CCDC178: variants seen among roughly 807,000 people sequenced by gnomAD.
CCDC178 encodes coiled-coil domain containing 178.
CCDC178 carries 126 observed loss-of-function variants against 117.4 expected under a neutral mutation model. That is an observed-to-expected ratio of 1.07 (90% CI 0.93 to 1.24). CCDC178 has a LOEUF of 1.24. Ranked by LOEUF, CCDC178 falls within the 50% of genes most tolerant of loss-of-function variation. CCDC178 has a pLI of 0.00. For synonymous variants in CCDC178, 283 were observed against 313.4 expected (o/e 0.90, Z 1.02); for missense variants, 1,030 against 986.9 (o/e 1.04, Z -0.59).
intron 20 of CCDC178, among the ~76,000 whole-genome samples, chr18:33,153,752 A>G (rs1313797195): frequency 1.3e-5 from 2 of 152,096 alleles, no homozygotes; most frequent in Non-Finnish European, 2.9e-5. Flanking sequence ...CAATAAAATA[A>G]TTATACTTTT....
At chr18:33,318,896 G>C (rs963271936) in intron 11 of CCDC178, among the ~76,000 whole-genome samples, 2 of 152,032 alleles carry the variant, frequency 1.3e-5, no homozygotes, top group African/African-American at 4.8e-5. Flanking sequence ...ATTAATATAT[G>C]AAGGTCAACT....
chr18:33,102,375 T>G (rs1387020476), intron 20 of CCDC178, among the ~76,000 whole-genome samples: 1 of 147,088 alleles, frequency 6.8e-6, no homozygotes, highest in Non-Finnish European at 1.5e-5. Flanking sequence ...TAGAATTACA[T>G]CAGCCTTTCA....
chr18:33,188,940 G>A (rs1446604829), intron 20 of CCDC178, among the ~76,000 whole-genome samples: 4 of 152,156 alleles, frequency 2.6e-5, no homozygotes, highest in Non-Finnish European at 5.9e-5. Flanking sequence ...GTAATCGTCT[G>A]ATTGAACTTG....
At chr18:33,194,729 G>A (rs1230498105) in intron 20 of CCDC178, among the ~76,000 whole-genome samples, 1 of 151,658 alleles carries the variant, frequency 6.6e-6, no homozygotes. Flanking sequence ...TCATTTCTCT[G>A]GTTAACTTTT....
chr18:33,354,769 C>T (rs546999582), intron 7 of CCDC178, among the ~76,000 whole-genome samples: 21 of 152,080 alleles, frequency 1.4e-4, no homozygotes, highest in African/African-American at 4.3e-4. Flanking sequence ...GGCCACCATG[C>T]GCAGCTAATT....
At chr18:33,410,770 T>C (rs922185261) in intron 3 of CCDC178, among the ~76,000 whole-genome samples, 3 of 152,190 alleles carry the variant, frequency 2.0e-5, no homozygotes, top group Non-Finnish European at 2.9e-5. Flanking sequence ...CCCATAGATC[T>C]GTGCCAGTTC....
intron 3 of CCDC178, 141 bp from the exon 4 acceptor site, chr18:33,397,349 GAAGGGGT>G (rs756792258): frequency 5.9e-5 from 29 of 491,042 alleles, no homozygotes; most frequent in Admixed American, 1.1e-4. Context: ...AGAAAGGGCT[GAAGGGGT>G]AAGTAGGAGA....
chr18:32,949,337 CT>C (rs2054425424), intron 22 of CCDC178, among the ~76,000 whole-genome samples: 1 of 151,962 alleles, frequency 6.6e-6, no homozygotes, highest in Admixed American at 6.6e-5. Flanking sequence ...TTTTTCTGTT[CT>C]CTCTTTATTT....
rs2059505198 is a variant in CCDC178, at chr18:33,242,881, C to T, written c.1593+2364G>A. Reference sequence around the variant, plus strand: ...AAAACTGCAAATAGGAGTACTGTATCATCCTGCAATCCCACTATTGTTTAT... The same window carrying T: ...AAAACTGCAAATAGGAGTACTGTATTATCCTGCAATCCCACTATTGTTTAT... On this transcript the variant is annotated intron_variant, in intron 15 of 22. Transcript: ENST00000383096. 5.9e-5 allele frequency among the ~76,000 whole-genome samples: 9 copies of T among 151,912 alleles called. No individual in the cohort carries two copies. In the South Asian group the frequency reaches 1.9e-3, roughly 31 times the overall value.
chr18:33,189,254 C>T (rs981500573), intron 20 of CCDC178, among the ~76,000 whole-genome samples: 1 of 152,006 alleles, frequency 6.6e-6, no homozygotes, highest in Non-Finnish European at 1.5e-5. Context: ...GCAACAATAA[C>T]AAGATGAGGG....
At chr18:33,223,342 A>G (rs1461603056) in intron 17 of CCDC178, 123 bp from the exon 18 acceptor site, 1 of 1,103,386 alleles carries the variant, frequency 9.1e-7, no homozygotes, top group Non-Finnish European at 1.2e-6. Flanking sequence ...ATAAAGGGAA[A>G]GAACCATCAC....
intron 20 of CCDC178, among the ~76,000 whole-genome samples, chr18:33,102,233 C>A (rs1214684506): frequency 2.0e-5 from 3 of 151,716 alleles, no homozygotes; most frequent in Non-Finnish European, 4.4e-5. Context: ...ATGGACAGAA[C>A]ATTAAGGCTA....
At chr18:33,333,510 T>A in intron 9 of CCDC178, 116 bp from the exon 10 acceptor site, 8 of 390,914 alleles carry the variant, frequency 2.0e-5, no homozygotes, top group East Asian at 4.9e-5. Context: ...TTACTACTTT[T>A]TTTTTTTTTT....
At chr18:33,093,587 T>C (rs1218646207) in intron 20 of CCDC178, among the ~76,000 whole-genome samples, 1 of 152,080 alleles carries the variant, frequency 6.6e-6, no homozygotes, top group East Asian at 1.9e-4. Context: ...ATAAACTCTT[T>C]AGAAAATAAC....
intron 21 of CCDC178, among the ~76,000 whole-genome samples, chr18:33,008,333 T>C (rs73415447): frequency 0.095 from 14,488 of 152,118 alleles, 2,310 homozygotes; most frequent in African/African-American, 0.33. Flanking sequence ...TGTCCACAAA[T>C]TTCCAGCAAT....
intron 21 of CCDC178, among the ~76,000 whole-genome samples, chr18:33,085,373 C>T (rs2145047616): frequency 6.6e-6 from 1 of 152,224 alleles, no homozygotes; most frequent in South Asian, 2.1e-4. Flanking sequence ...ACCATCCTGG[C>T]TAACACGGTG....
At chr18:33,220,012 C>T (rs1241218328) in intron 18 of CCDC178, among the ~76,000 whole-genome samples, 2 of 151,990 alleles carry the variant, frequency 1.3e-5, no homozygotes, top group Admixed American at 1.3e-4. Flanking sequence ...TAAGAACTTT[C>T]ATGGGGAAAT....
chr18:33,105,117 G>C (rs958627848), intron 20 of CCDC178, among the ~76,000 whole-genome samples: 8 of 151,614 alleles, frequency 5.3e-5, no homozygotes, highest in African/African-American at 1.9e-4. Flanking sequence ...TTTGTAATGA[G>C]GCATTTGTTA....
Position 33,337,809 on chromosome 18 carries a change from G to A in CCDC178, c.659-4415C>T, listed in dbSNP as rs9967552. 9.0e-3 allele frequency among the ~76,000 whole-genome samples: 1,370 copies of A among 152,164 alleles called. 15 individuals carry two copies. Among genetic ancestry groups the A allele is most frequent in the African/African-American group, 0.031 (1,288 of 41,528 alleles). On this transcript the variant is annotated intron_variant, in intron 9 of 22. Transcript: ENST00000383096. Reference sequence around the variant, plus strand: ...AATACTTGAAATCATAAAGATTCTAGAAGATAACACTAGAAAAACTCTTGT... The same window carrying A: ...AATACTTGAAATCATAAAGATTCTAAAAGATAACACTAGAAAAACTCTTGT...
Sources: gnomAD v4.1 joint callset for allele counts (sites outside exome capture counted in the v4.1 genomes callset) on GRCh38, gnomAD v4.1.1 for gene constraint, MANE v1.5 for transcripts, NCBI Gene and HGNC (gene_info 2026-07-23, HGNC 2026-07-21) for gene names.